SBNO1: variants seen among roughly 807,000 people sequenced by gnomAD.
SBNO1 encodes strawberry notch homolog 1.
Under a neutral mutation model 173.6 loss-of-function variants are expected in SBNO1, and 23 were observed. The observed-to-expected ratio is 0.13, with a 90% confidence interval of 0.10 to 0.19. The LOEUF (loss-of-function observed/expected upper bound fraction) is 0.19, where lower values mean the gene tolerates loss of function less well. SBNO1 is among the 10% of genes least tolerant of loss of function. The probability of loss-of-function intolerance (pLI) is 1.00; values close to 1 mark genes in which losing one functional copy is unlikely to be tolerated. For missense variants in SBNO1, 1,238 were observed against 1,671.2 expected (o/e 0.74, Z 4.52); for synonymous variants, 632 against 571.5 (o/e 1.11, Z -1.51).
intron 13 of SBNO1, among the ~76,000 whole-genome samples, chr12:123,326,942 C>CA (rs956729554): frequency 2.5e-4 from 38 of 150,142 alleles, no homozygotes; most frequent in East Asian, 9.7e-4. Context: ...AAAACAAAAA[C>CA]AAAAAAAAAC....
At chr12:123,313,272 G>T (rs1009142309) in intron 24 of SBNO1, among the ~76,000 whole-genome samples, 1 of 145,072 alleles carries the variant, frequency 6.9e-6, no homozygotes, top group Non-Finnish European at 1.5e-5. Context: ...AAAAAGACTC[G>T]GTCTTAAAAA....
chr12:123,362,925 TAA>T (rs560090421), intron 1 of SBNO1, among the ~76,000 whole-genome samples: 4 of 143,986 alleles, frequency 2.8e-5, no homozygotes, highest in African/African-American at 1.0e-4. Context: ...ACAAAAAAAT[TAA>T]AAAAAAAAAA....
intron 1 of SBNO1, chr12:123,364,335 G>C: frequency 1.0e-6 from 1 of 985,030 alleles, no homozygotes; most frequent in South Asian, 4.7e-5. Context: ...CGGGTTGTGA[G>C]GCGGAAGCCA....
At position 123,326,186 on chromosome 12, in the gene SBNO1, A is replaced by G. The variant is rs1234151361; in HGVS notation, c.1841T>C (p.Val614Ala). The G allele has an allele frequency of 6.2e-7, 1 of 1,611,150 alleles. No individual in the cohort carries two copies. ...LCIASKVKRV[V>A]QLAREEIKNG... ...CTTGATTTCCTCTCGAGCTAGTTGCACAACCCTTTTAACTTTGGATGCTAT... is the reference window on the plus strand; with the variant it reads ...CTTGATTTCCTCTCGAGCTAGTTGCGCAACCCTTTTAACTTTGGATGCTAT... Residue 614 changes from valine to alanine, a missense_variant, in exon 14 of 32, where the codon GTG becomes GCG. Physicochemically the swap from Val to Ala is moderately conservative, Grantham distance 64. Transcript: ENST00000602398.
chr12:123,316,782 A>G (rs1044548386), intron 21 of SBNO1, among the ~76,000 whole-genome samples: 2 of 146,730 alleles, frequency 1.4e-5, no homozygotes, highest in African/African-American at 5.0e-5. Context: ...AGCTCACTGC[A>G]GCCTGCGCCT....
At chr12:123,342,090 A>G (rs1262770990) in intron 4 of SBNO1, among the ~76,000 whole-genome samples, 1 of 151,776 alleles carries the variant, frequency 6.6e-6, no homozygotes, top group Non-Finnish European at 1.5e-5. Context: ...AGTCTCTACT[A>G]AAAATACAAA....
chr12:123,328,930 T>A, intron 9 of SBNO1, 35 bp from the exon 10 acceptor site: 1 of 1,289,540 alleles, frequency 7.8e-7, no homozygotes, highest in South Asian at 1.4e-5. Flanking sequence ...AGTTAATTAG[T>A]ATACCTTTCT....
At chr12:123,307,020 T>TTAA (rs755357101) in intron 28 of SBNO1, among the ~76,000 whole-genome samples, 4 of 64,416 alleles carry the variant, frequency 6.2e-5, no homozygotes, top group Non-Finnish European at 5.4e-5. Context: ...TCAACTGCAT[T>TTAA]AAAAAAAAAA....
intron 1 of SBNO1, among the ~76,000 whole-genome samples, chr12:123,356,695 C>T (rs1453099749): frequency 2.0e-5 from 3 of 152,246 alleles, no homozygotes; most frequent in African/African-American, 7.2e-5. Context: ...CCATCCGCCT[C>T]GGCCTCCCAC....
intron 1 of SBNO1, 85 bp downstream of exon 1, chr12:123,364,616 C>T (rs1205563204): frequency 2.2e-6 from 2 of 899,786 alleles, no homozygotes; most frequent in East Asian, 1.4e-4. Flanking sequence ...CCAGCCTGGC[C>T]CCGCACGGCC....
intron 1 of SBNO1, among the ~76,000 whole-genome samples, chr12:123,359,808 T>C (rs918501195): frequency 1.3e-5 from 2 of 152,158 alleles, no homozygotes; most frequent in Non-Finnish European, 2.9e-5. Flanking sequence ...AAGGTTGTCT[T>C]AACACTTGGT....
intron 17 of SBNO1, among the ~76,000 whole-genome samples, 198 bp from the exon 18 acceptor site, chr12:123,321,064 T>G (rs1034658473): frequency 3.3e-5 from 5 of 152,110 alleles, no homozygotes; most frequent in African/African-American, 1.2e-4. Context: ...CTCAGCCTCC[T>G]GAGTAGCTGG....
rs1051489090 is a variant in SBNO1 at position 123,364,794 on chromosome 12, G to A, written c.-94C>T. Reference sequence around the variant, plus strand: ...CTGGAGCGGAGGCGGCGGTGGCGGCGGCAGCAGCGGCGTCCTGCTCTGCCT... The same window carrying A: ...CTGGAGCGGAGGCGGCGGTGGCGGCAGCAGCAGCGGCGTCCTGCTCTGCCT... On this transcript the variant is annotated 5_prime_UTR_variant, in exon 1 of 32. Transcript: ENST00000602398. The A allele has an allele frequency of 2.9e-5, 29 of 985,750 alleles. No individual in the cohort carries two copies. Among genetic ancestry groups the A allele is most frequent in the Non-Finnish European group, 1.2e-5 (10 of 831,042 alleles). The allele number at this position is 985,750 out of a possible 1,614,324, so 61.1% of individuals were successfully genotyped here.
intron 5 of SBNO1, 92 bp from the exon 6 acceptor site, chr12:123,336,583 A>AG: frequency 1.4e-6 from 1 of 739,946 alleles, no homozygotes; most frequent in Non-Finnish European, 2.3e-6. Context: ...AACACCTACA[A>AG]ATTTCCATCA....
intron 5 of SBNO1, among the ~76,000 whole-genome samples, chr12:123,340,779 C>CCA (rs1161058362): frequency 2.0e-5 from 3 of 152,022 alleles, no homozygotes; most frequent in Non-Finnish European, 4.4e-5. Context: ...CATGTTAGTG[C>CCA]CACACTCCAT....
intron 6 of SBNO1, 49 bp from the exon 7 acceptor site, chr12:123,334,262 C>A (rs755104039): frequency 1.9e-6 from 2 of 1,072,190 alleles, no homozygotes; most frequent in South Asian, 3.3e-5. Flanking sequence ...TAAGTAATAA[C>A]ATTTCCAGTT....
At chr12:123,364,449 A>G (rs1875858243) in intron 1 of SBNO1, 4 of 985,482 alleles carry the variant, frequency 4.1e-6, no homozygotes, top group Non-Finnish European at 4.8e-6. Context: ...CGAAAGCCCC[A>G]CGAGCGGCGA....
intron 4 of SBNO1, among the ~76,000 whole-genome samples, chr12:123,343,224 C>G (rs1280374440): frequency 2.0e-5 from 3 of 152,122 alleles, no homozygotes; most frequent in African/African-American, 7.2e-5. Flanking sequence ...TGGAATGAGA[C>G]TTCGTCTCAC....
intron 20 of SBNO1, among the ~76,000 whole-genome samples, chr12:123,318,443 G>C (rs1385859556): frequency 3.3e-5 from 5 of 151,808 alleles, no homozygotes; most frequent in Admixed American, 2.0e-4. Flanking sequence ...TCTACAGAAA[G>C]AGTCTCTGGG....
Sources: allele counts gnomAD v4.1 joint callset (sites outside exome capture counted in the v4.1 genomes callset), GRCh38; gene constraint gnomAD v4.1.1; transcripts MANE v1.5; gene names NCBI Gene and HGNC (gene_info 2026-07-23, HGNC 2026-07-21).